The following IKBKE variants were observed in gnomAD, a reference collection of about 807,000 sequenced individuals.
IKBKE encodes the protein inhibitor of nuclear factor kappa-B kinase subunit epsilon.
A neutral mutation model predicts 92.1 loss-of-function variants in IKBKE; 45 were observed. The ratio of observed to expected loss-of-function variants is 0.49; its 90% confidence interval spans 0.38 to 0.63. The LOEUF is 0.63. Among genes scored for constraint, IKBKE ranks in the 20% least tolerant of loss-of-function variants. The pLI is 0.00. For synonymous variants in IKBKE, 374 were observed against 380.3 expected (o/e 0.98, Z 0.19); for missense variants, 700 against 932.8 (o/e 0.75, Z 3.25).
intron 7 of IKBKE, 55 bp from the exon 8 acceptor site, chr1:206,477,694 T>C: frequency 9.1e-7 from 1 of 1,103,540 alleles, no homozygotes; most frequent in South Asian, 1.4e-5. Flanking sequence ...GAGTGTGTCG[T>C]TGCCCGGCAA....
At chr1:206,488,112 G>T in intron 16 of IKBKE, 122 bp downstream of exon 16, 1 of 724,852 alleles carries the variant, frequency 1.4e-6, no homozygotes, top group South Asian at 1.7e-5. Context: ...CTAACCTCCA[G>T]CTGGTGGTTC....
chr1:206,489,392 TATATATATAC>T lies in IKBKE; in HGVS notation c.1693+1404_1693+1413del, dbSNP rs1212973706. Among the ~76,000 whole-genome samples the T allele has an allele frequency of 2.5e-3, 346 of 138,620 alleles. 1 individual carries two copies. The highest frequency in any genetic ancestry group is 8.7e-3 in the African/African-American group (333 of 38,100). 90.9% of individuals were successfully genotyped at this position (138,620 alleles called of 152,430 possible). On this transcript the variant is annotated intron_variant, in intron 16 of 21. Transcript: ENST00000581977. Reference sequence around the variant, plus strand: ...GTGTATATATATATATATATATATATATATATATACACACACACACATACATGGAGCTGTG... The same window carrying T: ...GTGTATATATATATATATATATATATACACACACACATACATGGAGCTGTG...
At chr1:206,477,016 C>A (rs549109817) in intron 7 of IKBKE, among the ~76,000 whole-genome samples, 178 bp downstream of exon 7, 28 of 152,208 alleles carry the variant, frequency 1.8e-4, no homozygotes, top group African/African-American at 6.8e-4. Context: ...AGCAGCTGAG[C>A]TCTGCCCAGG....
At chr1:206,483,410 A>G (rs1290265447) in intron 13 of IKBKE, among the ~76,000 whole-genome samples, 1 of 152,204 alleles carries the variant, frequency 6.6e-6, no homozygotes, top group Non-Finnish European at 1.5e-5. Context: ...TTGTGCACTC[A>G]GTAACGCCTT....
At chr1:206,481,197 C>T (rs1300396795) in intron 13 of IKBKE, among the ~76,000 whole-genome samples, 1 of 152,202 alleles carries the variant, frequency 6.6e-6, no homozygotes, top group Non-Finnish European at 1.5e-5. Context: ...CACCCCAAAT[C>T]CTGGAAGGCA....
At position 206,476,306 on chromosome 1, in the gene IKBKE, C is replaced by T. The variant is rs781992974; in HGVS notation, c.484C>T (p.Arg162Trp). The change falls in exon 6 of 22, where the codon CGG (arginine) becomes TGG (tryptophan). Residue 162 changes from arginine (R) to tryptophan (W), a missense_variant. By Grantham distance (101) the Arg-to-Trp change is moderately radical (BLOSUM62 -3). Coordinates refer to ENST00000581977, the MANE Select transcript of IKBKE (RefSeq NM_014002.4). The surrounding 1 kb of genome is among the most constrained non-coding windows in gnomAD (Gnocchi z 5.1). The part of the protein sequence containing the change: ...IYKLTDFGAA[R>W]ELDDDEKFVS... ...CAAGCTGACAGACTTCGGCGCTGCCCGGGAGCTGGATGATGATGAGAAGTT... is the reference window on the plus strand; with the variant it reads ...CAAGCTGACAGACTTCGGCGCTGCCTGGGAGCTGGATGATGATGAGAAGTT... The T allele has an allele frequency of 5.6e-6, 9 of 1,613,962 alleles. No homozygotes were observed. The highest frequency in any genetic ancestry group is 2.2e-5 in the East Asian group (1 of 44,858).
intron 13 of IKBKE, among the ~76,000 whole-genome samples, chr1:206,481,444 A>G (rs927574556): frequency 1.8e-4 from 28 of 152,178 alleles, no homozygotes; most frequent in Non-Finnish European, 3.5e-4. Context: ...GGCAGCTGGG[A>G]GGTGGAGGAG....
At position 206,476,874 on chromosome 1, in the gene IKBKE, T is replaced by A. The variant is rs782588385; in HGVS notation, c.701+36T>A. The A allele has an allele frequency of 3.1e-6, 5 of 1,611,074 alleles. No homozygotes were observed. In the East Asian group the frequency reaches 1.1e-4, roughly 36 times the overall value. ...CCACAGGGCAGGGAATGGGGCGGAC[T>A]GGCAGTCCCCTGGCCCTTCCCCCAC... On this transcript the variant is annotated intron_variant, in intron 7 of 21. Coordinates refer to ENST00000581977, the MANE Select transcript of IKBKE (RefSeq NM_014002.4). The surrounding 1 kb of genome is among the most constrained non-coding windows in gnomAD (Gnocchi z 5.1).
chr1:206,489,369 G>GTGTC (rs1452670242), intron 16 of IKBKE, among the ~76,000 whole-genome samples: 73 of 119,206 alleles, frequency 6.1e-4, no homozygotes, highest in South Asian at 2.7e-3. Context: ...GTGTGTGTGT[G>GTGTC]TATATATATA....
chr1:206,478,478 A>T lies in IKBKE; in HGVS notation c.992+139A>T. On this transcript the variant is annotated intron_variant, in intron 9 of 21. Coordinates refer to ENST00000581977, the MANE Select transcript of IKBKE (RefSeq NM_014002.4). The surrounding 1 kb of genome is among the most constrained non-coding windows in gnomAD (Gnocchi z 4.8). Reference sequence around the variant, plus strand: ...TTCCAGGTCCAAACGTAGTTGGGAAAAGACTAGTTCTACAAAGTTAAAGCT... The same window carrying T: ...TTCCAGGTCCAAACGTAGTTGGGAATAGACTAGTTCTACAAAGTTAAAGCT... 1.2e-6 allele frequency: 1 copy of T among 866,456 alleles called. No homozygotes were observed. The highest frequency in any genetic ancestry group is 1.8e-6 in the Non-Finnish European group (1 of 546,952). The allele number at this position is 866,456 out of a possible 1,614,324, so 53.7% of individuals were successfully genotyped here.
chr1:206,473,395 A>C, intron 3 of IKBKE, 81 bp downstream of exon 3: 6 of 1,020,432 alleles, frequency 5.9e-6, no homozygotes, highest in Non-Finnish European at 8.9e-6. Flanking sequence ...GTCAGCCCCC[A>C]GTGGGCATTG....
In IKBKE at chr1:206,476,169, G is replaced by A. The variant is rs190448324; in HGVS notation, c.359-12G>A. On this transcript the variant is annotated splice_polypyrimidine_tract_variant and intron_variant, in intron 5 of 21. Transcript: ENST00000581977. This position sits in a 1 kb window ranked among gnomAD's most constrained non-coding sequence, Gnocchi z 5.1. ...ACCAGAGCCAGCTAGTGGCCTCCCC[G>A]TCTGTCCCCAGTGGCCGGCATGAAC... 2.3e-5 allele frequency: 37 copies of A among 1,613,660 alleles called. No homozygotes were observed. Among genetic ancestry groups the A allele is most frequent in the East Asian group, 2.0e-4 (9 of 44,864 alleles).
Position 206,490,733 on chromosome 1 carries a change from A to T in IKBKE, c.1694-86A>T. 2 of 1,406,442 alleles carry T rather than the reference A, an allele frequency of 1.4e-6. No homozygotes were observed. The allele number at this position is 1,406,442 out of a possible 1,614,324, so 87.1% of individuals were successfully genotyped here. A position where few individuals can be genotyped will look rare whatever the true frequency, so the allele number is the denominator to read the frequency against. On this transcript the variant is annotated intron_variant, in intron 16 of 21. Transcript: ENST00000581977. This position sits in a 1 kb window ranked among gnomAD's most constrained non-coding sequence, Gnocchi z 5.2. Reference sequence around the variant, plus strand: ...AAGCAGCACAGGCTGGGCCGTCTTCATCTTTTAACTGTCTCTCGACCTTTG... The same window carrying T: ...AAGCAGCACAGGCTGGGCCGTCTTCTTCTTTTAACTGTCTCTCGACCTTTG...
rs555720065 is a variant in IKBKE, at chr1:206,476,143, G to A, written c.359-38G>A. On this transcript the variant is annotated intron_variant, in intron 5 of 21. Transcript: ENST00000581977. The surrounding 1 kb of genome is among the most constrained non-coding windows in gnomAD (Gnocchi z 5.1). ...GAGCCTCAGACACTAGACTGTCCCC[G>A]ACCAGAGCCAGCTAGTGGCCTCCCC... 22 of 1,608,488 alleles carry A rather than the reference G, an allele frequency of 1.4e-5. No individual in the cohort carries two copies. Among genetic ancestry groups the A allele is most frequent in the Middle Eastern group, 1.8e-4 (1 of 5,462 alleles).
At position 206,493,057 on chromosome 1, in the gene IKBKE, G is replaced by A; in HGVS notation, c.1870G>A (p.Val624Ile). 1 of 1,586,544 alleles carries A rather than the reference G, an allele frequency of 6.3e-7. No homozygotes were observed. Residue 624 changes from valine (V) to isoleucine (I), a missense_variant, in exon 19 of 22, where the codon GTT becomes ATT. Val to Ile is a conservative substitution (Grantham distance 29). Transcript: ENST00000581977. ...CGAGACCAGGAACCACCTGCGCCTG[G>A]TTGGCTGTTCTGTGGCTGCCTGTAA... The part of the protein sequence containing the change: ...VHETRNHLRL[V>I]GCSVAACNTE...
intron 16 of IKBKE, among the ~76,000 whole-genome samples, chr1:206,489,800 A>G (rs1553389823): frequency 6.6e-6 from 1 of 152,232 alleles, no homozygotes; most frequent in Non-Finnish European, 1.5e-5. Context: ...AAGTAGCCCA[A>G]GTAATCTAGG....
chr1:206,475,522 G>T (rs1413251324), intron 5 of IKBKE, among the ~76,000 whole-genome samples: 1 of 152,160 alleles, frequency 6.6e-6, no homozygotes, highest in Non-Finnish European at 1.5e-5. Context: ...ATCATTTGAG[G>T]TTGGGGGTTT....
chr1:206,482,474 C>G (rs1171789675), intron 13 of IKBKE, among the ~76,000 whole-genome samples: 1 of 152,214 alleles, frequency 6.6e-6, no homozygotes, highest in Non-Finnish European at 1.5e-5. Flanking sequence ...GTCCTGGCAT[C>G]CTGGTGTCCG....
At chr1:206,477,217 G>C (rs895206947) in intron 7 of IKBKE, among the ~76,000 whole-genome samples, 117 of 152,268 alleles carry the variant, frequency 7.7e-4, no homozygotes, top group Non-Finnish European at 9.7e-4. Flanking sequence ...TTGTGCCATC[G>C]GACAGGGAAG....
Sources: gnomAD v4.1 joint callset for allele counts (sites outside exome capture counted in the v4.1 genomes callset) on GRCh38, gnomAD v4.1.1 for gene constraint, Gnocchi (gnomAD v3.1) non-coding constraint, MANE v1.5 for transcripts, NCBI Gene and HGNC (gene_info 2026-07-23, HGNC 2026-07-21) for gene names.